The following PDE1C variants were observed in gnomAD, a reference collection of about 807,000 sequenced individuals.
The protein encoded by PDE1C is phosphodiesterase 1C, also known as dual specificity calcium/calmodulin-dependent 3',5'-cyclic nucleotide phosphodiesterase 1C.
A neutral mutation model predicts 93.1 loss-of-function variants in PDE1C; 62 were observed. The ratio of observed to expected loss-of-function variants is 0.67; its 90% CI spans 0.54 to 0.82. The LOEUF (loss-of-function observed/expected upper bound fraction) is 0.82, where lower values mean the gene tolerates loss of function less well. PDE1C is among the 40% of genes least tolerant of loss of function. PDE1C has a pLI of 0.00. For synonymous variants in PDE1C, 325 were observed against 310.1 expected (o/e 1.05, Z -0.50); for missense variants, 742 against 884.6 (o/e 0.84, Z 2.04).
At chr7:32,243,521 C>T (rs1019715830) in intron 1 of PDE1C, among the ~76,000 whole-genome samples, 3 of 152,172 alleles carry the variant, frequency 2.0e-5, no homozygotes, top group Non-Finnish European at 2.9e-5. Context: ...GTTCAAACTG[C>T]ACACCAGACA....
At chr7:31,898,577 A>G (rs909722873) in intron 2 of PDE1C, among the ~76,000 whole-genome samples, 6 of 152,238 alleles carry the variant, frequency 3.9e-5, no homozygotes, top group Non-Finnish European at 7.3e-5. Context: ...CTGTATTAAA[A>G]TGAAAGTTTT....
chr7:31,705,314 T>G, the PDE1C span, among the ~76,000 whole-genome samples: 1 of 152,168 alleles, frequency 6.6e-6, no homozygotes, highest in Non-Finnish European at 1.5e-5. Flanking sequence ...CCACTTTGAA[T>G]CAACTCAATT....
intron 2 of PDE1C, among the ~76,000 whole-genome samples, chr7:32,012,119 G>T (rs1257715132): frequency 6.6e-6 from 1 of 152,174 alleles, no homozygotes; most frequent in Non-Finnish European, 1.5e-5. Flanking sequence ...TAACTATAAA[G>T]AAATACCTGA....
chr7:32,066,509 A>G (rs1042271234), intron 1 of PDE1C, among the ~76,000 whole-genome samples: 1 of 152,228 alleles, frequency 6.6e-6, no homozygotes, highest in African/African-American at 2.4e-5. Flanking sequence ...ATGCCAAGGA[A>G]TAAGTAAAAC....
At chr7:32,236,185 A>T (rs776301104) in intron 1 of PDE1C, among the ~76,000 whole-genome samples, 6 of 152,152 alleles carry the variant, frequency 3.9e-5, no homozygotes, top group African/African-American at 9.6e-5. Context: ...AATCTATTTT[A>T]AAATCTTTAA....
chr7:32,285,439 T>G (rs1402490007), intron 1 of PDE1C, among the ~76,000 whole-genome samples: 1 of 152,078 alleles, frequency 6.6e-6, no homozygotes, highest in African/African-American at 2.4e-5. Flanking sequence ...AACCAAAAAC[T>G]GGAAACAACC....
chr7:32,233,432 C>G (rs1233986225), intron 1 of PDE1C, among the ~76,000 whole-genome samples: 1 of 151,978 alleles, frequency 6.6e-6, no homozygotes, highest in Non-Finnish European at 1.5e-5. Flanking sequence ...ATGAGGGCTA[C>G]AAGAAATTCA....
intron 17 of PDE1C, among the ~76,000 whole-genome samples, chr7:31,761,272 G>T (rs373825030): frequency 3.2e-4 from 49 of 152,172 alleles, no homozygotes; most frequent in African/African-American, 1.1e-3. Context: ...AAAGAGTCAA[G>T]TCAAAATTGT....
At chr7:31,931,895 G>A (rs1804347083) in intron 2 of PDE1C, among the ~76,000 whole-genome samples, 1 of 151,998 alleles carries the variant, frequency 6.6e-6, no homozygotes, top group Admixed American at 6.6e-5. Context: ...CAGAACGGAG[G>A]TCTCACAAAT....
At chr7:32,393,322 C>T (rs1278626518) in intron 1 of PDE1C, among the ~76,000 whole-genome samples, 1 of 152,088 alleles carries the variant, frequency 6.6e-6, no homozygotes, top group Non-Finnish European at 1.5e-5. Flanking sequence ...AAGCTGTCTT[C>T]CTTCACAGAC....
chr7:32,098,146 C>G (rs941396697), intron 3 of PDE1C, among the ~76,000 whole-genome samples: 3 of 136,968 alleles, frequency 2.2e-5, no homozygotes, highest in Admixed American at 7.7e-5. Context: ...AGGAGAATGG[C>G]GTGAACCCGG....
chr7:31,655,579 C>A, the PDE1C span, among the ~76,000 whole-genome samples: 1 of 152,178 alleles, frequency 6.6e-6, no homozygotes, highest in Admixed American at 6.5e-5. Flanking sequence ...CCAGAGCAGC[C>A]TTCCACCAGA....
At chr7:32,143,634 T>C (rs1163318451) in intron 3 of PDE1C, among the ~76,000 whole-genome samples, 2 of 152,118 alleles carry the variant, frequency 1.3e-5, no homozygotes, top group African/African-American at 4.8e-5. Context: ...ATTCAACAAG[T>C]TGTTCCCATC....
At chr7:32,056,983 C>G (rs1794209122) in intron 1 of PDE1C, among the ~76,000 whole-genome samples, 1 of 152,172 alleles carries the variant, frequency 6.6e-6, no homozygotes, top group African/African-American at 2.4e-5. Flanking sequence ...CACCCTGCCA[C>G]CCACCCCAGC....
chr7:31,950,769 T>C (rs1807260179), intron 2 of PDE1C, among the ~76,000 whole-genome samples: 1 of 152,204 alleles, frequency 6.6e-6, no homozygotes, highest in African/African-American at 2.4e-5. Flanking sequence ...GAATTTAGCA[T>C]AAATTCTACA....
intron 2 of PDE1C, among the ~76,000 whole-genome samples, chr7:31,971,808 C>T (rs892282081): frequency 5.9e-5 from 9 of 152,210 alleles, no homozygotes. Context: ...ACTGTCCCTC[C>T]GTGTCTCCAG....
At chr7:32,277,399 T>A (rs1487123085) in intron 1 of PDE1C, among the ~76,000 whole-genome samples, 1 of 152,240 alleles carries the variant, frequency 6.6e-6, no homozygotes, top group South Asian at 2.1e-4. Context: ...TTTAGAAATT[T>A]TTACAGAAGC....
At chr7:31,808,173 C>T in intron 16 of PDE1C, 2 of 481,466 alleles carry the variant, frequency 4.2e-6, no homozygotes, top group South Asian at 3.0e-5. Flanking sequence ...AGCATTTGTT[C>T]TTCAAAGGTA....
At chr7:31,806,638 C>T (rs1012679940) in intron 16 of PDE1C, among the ~76,000 whole-genome samples, 13 of 151,934 alleles carry the variant, frequency 8.6e-5, no homozygotes, top group African/African-American at 2.7e-4. Flanking sequence ...CTACTTCCCC[C>T]TGTGCATGCC....
Sources: gnomAD v4.1 joint callset for allele counts (sites outside exome capture counted in the v4.1 genomes callset) on GRCh38, gnomAD v4.1.1 for gene constraint, MANE v1.5 for transcripts, NCBI Gene and HGNC (gene_info 2026-07-23, HGNC 2026-07-21) for gene names.